The following GLIS3 variants were observed in gnomAD, a reference collection of about 807,000 sequenced individuals.
GLIS3 encodes the protein zinc finger protein GLIS3.
In GLIS3, 53 loss-of-function variants were observed where a neutral mutation model predicts 78.6. The observed-to-expected ratio is 0.67, with a 90% CI of 0.54 to 0.85. The LOEUF is 0.85. Ranked by LOEUF, GLIS3 falls within the 40% of genes least tolerant of loss-of-function variation. The pLI is 0.00. For synonymous variants in GLIS3, 684 were observed against 509.9 expected (o/e 1.34, Z -4.60); for missense variants, 1,703 against 1,231.1 (o/e 1.38, Z -5.74).
chr9:4,441,583 G>T, the GLIS3 span, among the ~76,000 whole-genome samples: 1 of 152,138 alleles, frequency 6.6e-6, no homozygotes, highest in East Asian at 1.9e-4. Flanking sequence ...AAGTTCATCA[G>T]GGATATTGAC....
chr9:4,042,469 C>T (rs891447796), intron 4 of GLIS3, among the ~76,000 whole-genome samples: 6 of 152,106 alleles, frequency 3.9e-5, no homozygotes, highest in African/African-American at 1.4e-4. Flanking sequence ...TCCAAAGAGG[C>T]CAACACTTAC....
chr9:3,893,988 C>T (rs928730894), intron 7 of GLIS3, among the ~76,000 whole-genome samples: 11 of 152,156 alleles, frequency 7.2e-5, no homozygotes, highest in African/African-American at 1.9e-4. Flanking sequence ...CAATCTAACT[C>T]GGTGGACCAT....
intron 4 of GLIS3, among the ~76,000 whole-genome samples, chr9:3,955,989 T>C (rs1037091719): frequency 1.8e-5 from 2 of 112,204 alleles, no homozygotes; most frequent in African/African-American, 7.3e-5. Flanking sequence ...ACTGCTCCCA[T>C]AAGTATTTCC....
rs147429142 is a variant in GLIS3 at position 3,968,038 on chromosome 9, C to T, written c.1711-30849G>A. Among the ~76,000 whole-genome samples the T allele has an allele frequency of 6.8e-4, 104 of 152,322 alleles. 1 individual carries two copies. Among genetic ancestry groups the T allele is most frequent in the Non-Finnish European group, 1.2e-3 (85 of 68,022 alleles). ...GTTAACTTTCTCATCCCTTCCTTTTCGCCATAAATCTAAATTCATACAATC... is the reference window on the plus strand; with the variant it reads ...GTTAACTTTCTCATCCCTTCCTTTTTGCCATAAATCTAAATTCATACAATC... On this transcript the variant is annotated intron_variant, in intron 4 of 10. Coordinates refer to ENST00000381971, the MANE Select transcript of GLIS3 (RefSeq NM_001042413.2).
intron 7 of GLIS3, among the ~76,000 whole-genome samples, chr9:3,881,730 G>C (rs111781009): frequency 6.6e-6 from 1 of 152,156 alleles, no homozygotes; most frequent in African/African-American, 2.4e-5. Flanking sequence ...ATATTGATAA[G>C]TGTCTATTAC....
At chr9:4,002,631 C>A (rs1463635493) in intron 4 of GLIS3, among the ~76,000 whole-genome samples, 1 of 152,162 alleles carries the variant, frequency 6.6e-6, no homozygotes, top group Admixed American at 6.6e-5. Context: ...TAAAGTCATT[C>A]CCCACTCATT....
rs1162300922 is a variant in GLIS3 at position 3,827,254 on chromosome 9, CTAGGTTTGGTT to C, written c.*1007_*1017del. On this transcript the variant is annotated 3_prime_UTR_variant, in exon 11 of 11. Transcript: ENST00000381971. ...TCTGAGCACTGGAAGTCAAGTATCA[CTAGGTTTGGTT>C]TTCCAAGGGAAGCTGGCACATGACT... The C allele has an allele frequency of 6.6e-6, 1 of 152,204 alleles. No homozygotes were observed. Among genetic ancestry groups the C allele is most frequent in the Non-Finnish European group, 1.5e-5 (1 of 68,048 alleles). The allele number at this position is 152,204 out of a possible 1,614,324, so 9.4% of individuals were successfully genotyped here.
chr9:4,335,282 G>A (rs1563937106), intron 2 of GLIS3, among the ~76,000 whole-genome samples: 2 of 152,150 alleles, frequency 1.3e-5, no homozygotes, highest in Non-Finnish European at 2.9e-5. Context: ...AATAACTCCA[G>A]TGACGATCAA....
chr9:4,355,552 C>T, the GLIS3 span, among the ~76,000 whole-genome samples: 1 of 152,152 alleles, frequency 6.6e-6, no homozygotes, highest in Non-Finnish European at 1.5e-5. Flanking sequence ...CCTAGTGACA[C>T]CTCATAGCCC....
At chr9:3,896,539 A>G (rs776029305) in intron 7 of GLIS3, among the ~76,000 whole-genome samples, 147 of 151,458 alleles carry the variant, frequency 9.7e-4, no homozygotes, top group Non-Finnish European at 1.7e-3. Flanking sequence ...GGTGGTGCAC[A>G]CCTGTAGTCC....
Position 4,050,148 on chromosome 9 carries a change from CGT to C in GLIS3, c.1710+67618_1710+67619del, listed in dbSNP as rs1352966352. Among the ~76,000 whole-genome samples the C allele has an allele frequency of 2.6e-5, 4 of 151,426 alleles. No homozygotes were observed. The South Asian group carries it at 6.2e-4, about 24-fold the overall frequency. On this transcript the variant is annotated intron_variant, in intron 4 of 10. Transcript: ENST00000381971. Reference sequence around the variant, plus strand: ...ATGCCGCTATAAAGACACATGCACACGTATGTTTATTGCGGCCTATTCACCAT... The same window carrying C: ...ATGCCGCTATAAAGACACATGCACACATGTTTATTGCGGCCTATTCACCAT...
At chr9:4,388,138 C>A in the GLIS3 span, among the ~76,000 whole-genome samples, 1 of 152,132 alleles carries the variant, frequency 6.6e-6, no homozygotes, top group African/African-American at 2.4e-5. Flanking sequence ...GTTATCCATG[C>A]GTAAGACTGG....
intron 2 of GLIS3, among the ~76,000 whole-genome samples, chr9:4,228,109 G>C (rs1055881726): frequency 6.6e-6 from 1 of 151,364 alleles, no homozygotes; most frequent in African/African-American, 2.4e-5. Context: ...CAAGTGATCA[G>C]GGCCTTGTTG....
chr9:3,953,627 C>G (rs1024426149), intron 4 of GLIS3, among the ~76,000 whole-genome samples: 3 of 152,084 alleles, frequency 2.0e-5, no homozygotes, highest in African/African-American at 7.2e-5. Context: ...ATGCAAAGAG[C>G]TGGTAATGCA....
the GLIS3 span, among the ~76,000 whole-genome samples, chr9:4,476,666 G>C: frequency 1.3e-5 from 2 of 151,658 alleles, no homozygotes; most frequent in Non-Finnish European, 2.9e-5. Context: ...CCGGCCCAGT[G>C]GTCTTATTAT....
At chr9:3,932,960 T>A in intron 5 of GLIS3, 1 of 286,364 alleles carries the variant, frequency 3.5e-6, no homozygotes, top group Non-Finnish European at 7.0e-6. Context: ...GAAGAGAAAA[T>A]TAGTGTAAAG....
chr9:4,135,662 C>G (rs191115209), intron 2 of GLIS3, among the ~76,000 whole-genome samples: 218 of 152,248 alleles, frequency 1.4e-3, no homozygotes, highest in African/African-American at 4.8e-3. Context: ...GAATCTTAGG[C>G]AAGGCATAGT....
At chr9:4,460,096 C>A in the GLIS3 span, among the ~76,000 whole-genome samples, 1 of 151,884 alleles carries the variant, frequency 6.6e-6, no homozygotes, top group Non-Finnish European at 1.5e-5. Flanking sequence ...AGGTCAGGTA[C>A]CCATCAAGCA....
intron 2 of GLIS3, among the ~76,000 whole-genome samples, chr9:4,213,976 T>A (rs1357921440): frequency 6.8e-6 from 1 of 148,006 alleles, no homozygotes; most frequent in African/African-American, 2.5e-5. Context: ...ACAAAAAAAA[T>A]TTCAGAGACA....
Sources: gnomAD v4.1 joint callset for allele counts (sites outside exome capture counted in the v4.1 genomes callset) on GRCh38, gnomAD v4.1.1 for gene constraint, MANE v1.5 for transcripts, NCBI Gene and HGNC (gene_info 2026-07-23, HGNC 2026-07-21) for gene names.